Variants in ADAMTSL1 observed in about 807,000 individuals in gnomAD.
ADAMTSL1 encodes the protein ADAMTS-like protein 1.
ADAMTSL1 carries 126 observed loss-of-function variants against 201.8 expected under a neutral mutation model. That is an observed-to-expected ratio of 0.62 (90% CI 0.54 to 0.72). ADAMTSL1 has a LOEUF of 0.72. Among genes scored for constraint, ADAMTSL1 ranks in the 30% least tolerant of loss-of-function variants. ADAMTSL1 has a pLI of 0.00. For missense variants in ADAMTSL1, 2,679 were observed against 2,277.8 expected (o/e 1.18, Z -3.59); for synonymous variants, 1,121 against 903.4 (o/e 1.24, Z -4.32).
At chr9:18,056,549 G>C (rs185589340) in intron 1 of ADAMTSL1, among the ~76,000 whole-genome samples, 3 of 152,034 alleles carry the variant, frequency 2.0e-5, no homozygotes, top group East Asian at 1.9e-4. Flanking sequence ...ATAGGGAGAC[G>C]GTTATTTGTT....
At chr9:18,117,562 T>A (rs1036512541) in intron 1 of ADAMTSL1, among the ~76,000 whole-genome samples, 1 of 152,168 alleles carries the variant, frequency 6.6e-6, no homozygotes, top group African/African-American at 2.4e-5. Context: ...CTCCATCTTA[T>A]TAAACTAGGA....
intron 2 of ADAMTSL1, among the ~76,000 whole-genome samples, chr9:18,419,695 C>G (rs1178834410): frequency 6.7e-6 from 1 of 148,390 alleles, no homozygotes; most frequent in African/African-American, 2.5e-5. Context: ...AAGTCAATGT[C>G]AAAAAATTGC....
chr9:18,136,599 T>C (rs1826168251), intron 1 of ADAMTSL1, among the ~76,000 whole-genome samples: 1 of 151,998 alleles, frequency 6.6e-6, no homozygotes, highest in African/African-American at 2.4e-5. Context: ...GGAAGTCAAC[T>C]TGGGCTTCAC....
At chr9:18,411,436 T>C (rs1210046000) in intron 2 of ADAMTSL1, among the ~76,000 whole-genome samples, 1 of 152,068 alleles carries the variant, frequency 6.6e-6, no homozygotes, top group Non-Finnish European at 1.5e-5. Context: ...TGGACTCAAG[T>C]GATCCACCCA....
rs1328536569 is a variant in ADAMTSL1 at position 18,201,947 on chromosome 9, C to G, written c.207+37966C>G. Reference sequence around the variant, plus strand: ...ATAATTTATCACCACTGAATTTGGCCTTTTTCTCAAATATCATGCATTAAA... The same window carrying G: ...ATAATTTATCACCACTGAATTTGGCGTTTTTCTCAAATATCATGCATTAAA... On this transcript the variant is annotated intron_variant, in intron 2 of 29. Transcript: ENST00000680146. Among the ~76,000 whole-genome samples, 5 of 152,058 alleles carry G rather than the reference C, an allele frequency of 3.3e-5. No homozygotes were observed. The South Asian group carries it at 8.3e-4, about 25-fold the overall frequency.
intron 2 of ADAMTSL1, among the ~76,000 whole-genome samples, chr9:18,351,535 G>A (rs987076546): frequency 4.6e-5 from 7 of 151,998 alleles, no homozygotes; most frequent in African/African-American, 1.2e-4. Context: ...AAGGAGGGTC[G>A]AGAGAGTGTT....
chr9:18,200,711 C>G (rs927427785), intron 2 of ADAMTSL1, among the ~76,000 whole-genome samples: 3 of 151,818 alleles, frequency 2.0e-5, no homozygotes, highest in African/African-American at 4.8e-5. Context: ...AGAGCACTTT[C>G]CAAATGAGTT....
At chr9:18,599,996 CAAAAAAAAA>C (rs57914274) in intron 4 of ADAMTSL1, among the ~76,000 whole-genome samples, 57 of 86,950 alleles carry the variant, frequency 6.6e-4, no homozygotes, top group African/African-American at 1.7e-3. Context: ...ACTAAAAATA[CAAAAAAAAA>C]AAAAAAAAAA....
chr9:18,906,061 G>A (rs1025648075), intron 27 of ADAMTSL1, among the ~76,000 whole-genome samples, 170 bp downstream of exon 27: 4 of 152,214 alleles, frequency 2.6e-5, no homozygotes, highest in African/African-American at 9.6e-5. Flanking sequence ...AGATGACTCA[G>A]TGTCGGTCTT....
chr9:18,256,520 C>G (rs1831693772), intron 2 of ADAMTSL1, among the ~76,000 whole-genome samples: 1 of 152,152 alleles, frequency 6.6e-6, no homozygotes, highest in Admixed American at 6.5e-5. Flanking sequence ...AAACACTATC[C>G]TAGATGTTAG....
At chr9:18,050,125 T>C (rs1267800145) in intron 1 of ADAMTSL1, among the ~76,000 whole-genome samples, 1 of 152,186 alleles carries the variant, frequency 6.6e-6, no homozygotes, top group Admixed American at 6.5e-5. Context: ...AGTATAATAC[T>C]GAATAAAAAT....
chr9:18,264,248 T>C lies in ADAMTSL1; in HGVS notation c.207+100267T>C, dbSNP rs373204909. 2.0e-5 allele frequency among the ~76,000 whole-genome samples: 3 copies of C among 152,214 alleles called. No individual in the cohort carries two copies. The East Asian group carries it at 5.8e-4, about 29-fold the overall frequency. ...AAATACCTTCAAATATAGTTTCTTT[T>C]TCTTGATTCTGGCTATCTCATCTAT... On this transcript the variant is annotated intron_variant, in intron 2 of 29. Transcript: ENST00000680146.
intron 19 of ADAMTSL1, among the ~76,000 whole-genome samples, chr9:18,779,873 A>G (rs746421867): frequency 2.6e-5 from 4 of 152,188 alleles, no homozygotes; most frequent in Non-Finnish European, 5.9e-5. Flanking sequence ...GTGTAGGTAC[A>G]ACGTTTTATT....
At position 18,255,467 on chromosome 9, in the gene ADAMTSL1, C is replaced by G. The variant is rs533678777; in HGVS notation, c.207+91486C>G. Among the ~76,000 whole-genome samples, 8 of 152,266 alleles carry G rather than the reference C, an allele frequency of 5.3e-5. No homozygotes were observed. In the South Asian group the frequency reaches 1.5e-3, roughly 28 times the overall value. On this transcript the variant is annotated intron_variant, in intron 2 of 29. Transcript: ENST00000680146. ...CAGAAAGAAGGCTTTGTTTTTTAGG[C>G]TGTACTCCTGTGACCAGCTACTTAT...
intron 2 of ADAMTSL1, among the ~76,000 whole-genome samples, chr9:18,173,936 T>C (rs564634485): frequency 6.6e-6 from 1 of 152,262 alleles, no homozygotes; most frequent in Non-Finnish European, 1.5e-5. Flanking sequence ...CAGGTTAGTA[T>C]TCAAATTCCT....
chr9:18,548,395 A>G (rs564530466), intron 3 of ADAMTSL1, among the ~76,000 whole-genome samples: 1 of 152,118 alleles, frequency 6.6e-6, no homozygotes, highest in East Asian at 1.9e-4. Context: ...ATGCTGAAGC[A>G]CTGTCTAGTG....
chr9:18,134,485 C>A (rs1274908619), intron 1 of ADAMTSL1, among the ~76,000 whole-genome samples: 3 of 152,044 alleles, frequency 2.0e-5, no homozygotes, highest in African/African-American at 7.2e-5. Flanking sequence ...GTATAACGTC[C>A]CTAAGGATTC....
intron 1 of ADAMTSL1, among the ~76,000 whole-genome samples, chr9:17,925,011 A>G (rs1279769222): frequency 9.8e-4 from 116 of 118,188 alleles, no homozygotes; most frequent in African/African-American, 3.2e-3. Context: ...TTTACAAGAA[A>G]AAAACAAACA....
At chr9:18,193,845 A>G (rs1456756796) in intron 2 of ADAMTSL1, among the ~76,000 whole-genome samples, 1 of 152,108 alleles carries the variant, frequency 6.6e-6, no homozygotes, top group Non-Finnish European at 1.5e-5. Flanking sequence ...GTCCCTTATT[A>G]TTTGAATCCC....
Sources: gnomAD v4.1 joint callset for allele counts (sites outside exome capture counted in the v4.1 genomes callset) on GRCh38, gnomAD v4.1.1 for gene constraint, MANE v1.5 for transcripts, NCBI Gene and HGNC (gene_info 2026-07-23, HGNC 2026-07-21) for gene names.